The following DRP2 variants were observed in gnomAD, a reference collection of about 807,000 sequenced individuals.
DRP2 encodes the protein dystrophin-related protein 2.
DRP2 carries 29 observed loss-of-function variants against 78.2 expected under a neutral mutation model. The ratio of observed to expected loss-of-function variants is 0.37; its 90% CI spans 0.28 to 0.51. The LOEUF is 0.51. DRP2 is among the 20% of genes least tolerant of loss of function. The pLI is 0.94. For missense variants in DRP2, 686 were observed against 770.6 expected (o/e 0.89, Z 1.30); for synonymous variants, 290 against 281.9 (o/e 1.03, Z -0.29).
chrX:101,229,039 A>G (rs1922212993), intron 2 of DRP2, among the ~76,000 whole-genome samples: 1 of 112,326 alleles, frequency 8.9e-6, no homozygotes, highest in Non-Finnish European at 1.9e-5. Context: ...GTATGTATAT[A>G]TTTTTCAGAG....
chrX:101,243,397 C>CAA (rs768951598), intron 9 of DRP2, among the ~76,000 whole-genome samples: 12 of 29,043 alleles, frequency 4.1e-4, no homozygotes, highest in Admixed American at 1.5e-3. Flanking sequence ...AACTCCGTCT[C>CAA]AAAAAAAAAA....
chrX:101,236,279 T>C (rs1050504424), intron 4 of DRP2, among the ~76,000 whole-genome samples: 2 of 112,215 alleles, frequency 1.8e-5, no homozygotes, highest in African/African-American at 6.5e-5. Context: ...ATTTGTTTTT[T>C]ATAAGGACAA....
intron 20 of DRP2, among the ~76,000 whole-genome samples, 187 bp from the exon 21 acceptor site, chrX:101,255,931 C>G (rs1202210615): frequency 1.8e-5 from 2 of 111,699 alleles, no homozygotes; most frequent in African/African-American, 3.3e-5. Context: ...CTCAATACCC[C>G]CAACCACAGC....
At chrX:101,227,064 T>A (rs1206485790) in intron 2 of DRP2, among the ~76,000 whole-genome samples, 1 of 110,937 alleles carries the variant, frequency 9.0e-6, no homozygotes, top group Non-Finnish European at 1.9e-5. Flanking sequence ...AGATATCTCT[T>A]CCTCTTTTTA....
chrX:101,224,206 T>TTGTTTG (rs1922021245), intron 1 of DRP2, among the ~76,000 whole-genome samples: 1 of 72,306 alleles, frequency 1.4e-5, no homozygotes, highest in African/African-American at 5.6e-5. Context: ...TTTTTTTTTT[T>TTGTTTG]TTTTTTTTTT....
intron 16 of DRP2, among the ~76,000 whole-genome samples, chrX:101,252,330 G>A (rs184302131): frequency 2.7e-5 from 3 of 111,636 alleles, no homozygotes; most frequent in East Asian, 5.6e-4. Context: ...CTTCCCTCCT[G>A]TCTCCCTTAA....
Position 101,231,748 on chromosome X carries a change from C to G in DRP2, c.101C>G (p.Thr34Ser). The change falls in exon 3 of 24, where the codon ACC becomes AGC. Residue 34 changes from threonine (T) to serine (S), a missense_variant. Around this residue, in one of 2 missense-constraint regions of DRP2, gnomAD observed 263 missense variants for 239.1 expected, o/e 1.10. Transcript: ENST00000395209. Reference protein sequence around the residue: ...QFHHSSSLRSTCPHPQVRAAV... With the variant: ...QFHHSSSLRSSCPHPQVRAAV... ...CATCATAGCAGCAGCCTCCGAAGCA[C>G]CTGCCCCCACCCTCAGGTAAGAGTC... 8.3e-7 allele frequency: 1 copy of G among 1,207,640 alleles called. No individual in the cohort carries two copies. Among genetic ancestry groups the G allele is most frequent in the Admixed American group, 2.2e-5 (1 of 45,865 alleles).
chrX:101,242,508 C>T (rs1267135454), intron 8 of DRP2, 37 bp downstream of exon 8: 1 of 1,187,422 alleles, frequency 8.4e-7, no homozygotes, highest in Admixed American at 2.3e-5. Flanking sequence ...TGGGGAGGTG[C>T]CTCCATATAA....
chrX:101,240,481 C>T lies in DRP2; in HGVS notation c.560-1187C>T, dbSNP rs193281312. Among the ~76,000 whole-genome samples, 4 of 112,765 alleles carry T rather than the reference C, an allele frequency of 3.5e-5. No individual in the cohort carries two copies. In the East Asian group the frequency reaches 1.1e-3, roughly 32 times the overall value. On this transcript the variant is annotated intron_variant, in intron 6 of 23. Coordinates refer to ENST00000395209, the MANE Select transcript of DRP2 (RefSeq NM_001939.3). ...GAACTCTTGGGCTCAAGTGATCGGC[C>T]TGCTTGGCCTCCTGAAGTGTTGGGA...
At chrX:101,253,500 CTT>C (rs67849810) in intron 17 of DRP2, among the ~76,000 whole-genome samples, 1 of 74,900 alleles carries the variant, frequency 1.3e-5, no homozygotes, top group African/African-American at 4.9e-5. Flanking sequence ...GTCTATTTTT[CTT>C]TTTTTTTTTT....
chrX:101,256,374 C>G, intron 21 of DRP2, 113 bp downstream of exon 21: 1 of 739,682 alleles, frequency 1.4e-6, no homozygotes, highest in Non-Finnish European at 1.9e-6. Flanking sequence ...TACTTATATT[C>G]TGTAATCCTC....
At position 101,231,588 on chromosome X, in the gene DRP2, C is replaced by A; in HGVS notation, c.-60C>A. On this transcript the variant is annotated 5_prime_UTR_variant, in exon 3 of 24. Transcript: ENST00000395209. ...TCTCTCTGTATTGCTTTTCCAGGTG[C>A]TTAATGATCAATAGTTGGTGCACTG... 1 of 997,085 alleles carries A rather than the reference C, an allele frequency of 1.0e-6. No individual in the cohort carries two copies. The highest frequency in any genetic ancestry group is 1.4e-6 in the Non-Finnish European group (1 of 699,914). 82.2% of individuals were successfully genotyped at this position (997,085 alleles called of 1,213,427 possible). A position where few individuals can be genotyped will look rare whatever the true frequency, so the allele number is the denominator to read the frequency against.
intron 9 of DRP2, 43 bp from the exon 10 acceptor site, chrX:101,244,974 A>G (rs1429966863): frequency 2.6e-6 from 3 of 1,155,648 alleles, no homozygotes; most frequent in Non-Finnish European, 3.5e-6. Context: ...CCTTAAGAGC[A>G]TTAGTGGCCA....
chrX:101,258,968 GCTAT>G (rs1200601919), intron 22 of DRP2, among the ~76,000 whole-genome samples: 1 of 112,166 alleles, frequency 8.9e-6, no homozygotes, highest in Non-Finnish European at 1.9e-5. Context: ...AAAGATTAGT[GCTAT>G]CTAAAGGTGT....
chrX:101,231,058 A>G lies in DRP2; in HGVS notation c.-63-527A>G, dbSNP rs147235180. 2.8e-3 allele frequency among the ~76,000 whole-genome samples: 318 copies of G among 112,389 alleles called. 4 individuals carry two copies. The highest frequency in any genetic ancestry group is 9.7e-3 in the African/African-American group (300 of 30,913). ...ATACCGATCCCATTGTCCTCTGAAC[A>G]TGCTAGGCCTTTTTATGACATCCAC... On this transcript the variant is annotated intron_variant, in intron 2 of 23. Transcript: ENST00000395209.
At chrX:101,237,896 C>T (rs1272917057) in intron 5 of DRP2, 121 bp downstream of exon 5, 2 of 716,724 alleles carry the variant, frequency 2.8e-6, no homozygotes, top group African/African-American at 4.4e-5. Context: ...AGGCTGTATG[C>T]AGTCCTATTA....
chrX:101,244,374 T>G (rs1014453559), intron 9 of DRP2, among the ~76,000 whole-genome samples: 2 of 111,829 alleles, frequency 1.8e-5, no homozygotes, highest in Non-Finnish European at 3.8e-5. Context: ...ATGTTAACTG[T>G]GGTTAAAATT....
In DRP2 at chrX:101,263,273, A is replaced by G; in HGVS notation, c.*2652A>G. On this transcript the variant is annotated 3_prime_UTR_variant, in exon 24 of 24. Coordinates refer to ENST00000395209, the MANE Select transcript of DRP2 (RefSeq NM_001939.3). ...ACCAAAATGTGTTGTATGTTGTTAG[A>G]CATCTTGTTGTGTATTAGTCTTCTA... The G allele has an allele frequency of 8.9e-6, 1 of 112,085 alleles. No individual in the cohort carries two copies. Among genetic ancestry groups the G allele is most frequent in the African/African-American group, 3.2e-5 (1 of 30,844 alleles). The allele number at this position is 112,085 out of a possible 1,213,427, so 9.2% of individuals were successfully genotyped here. A position where few individuals can be genotyped will look rare whatever the true frequency, so the allele number is the denominator to read the frequency against.
In DRP2 at chrX:101,242,962, G is replaced by A; in HGVS notation, c.1034G>A (p.Gly345Glu). Residue 345 changes from glycine (G) to glutamate (E), a missense_variant, in exon 9 of 24, where the codon GGG becomes GAG. Physicochemically the swap from Gly to Glu is moderately conservative, Grantham distance 98 (BLOSUM62 -2). Transcript: ENST00000395209. ...GATGCCCACCGGGACTTTGGGCCTG[G>A]GTCACAGCACTTTCTCTCCTGTACG... ...LQDAHRDFGPGSQHFLSSSVQ... is the reference protein window; with the variant it reads ...LQDAHRDFGPESQHFLSSSVQ... 1 of 1,210,805 alleles carries A rather than the reference G, an allele frequency of 8.3e-7. No homozygotes were observed. The highest frequency in any genetic ancestry group is 1.1e-6 in the Non-Finnish European group (1 of 895,113).
Sources: allele counts gnomAD v4.1 joint callset (sites outside exome capture counted in the v4.1 genomes callset), GRCh38; gene constraint gnomAD v4.1.1; regional missense constraint gnomAD v4.1.1; transcripts MANE v1.5; gene names NCBI Gene and HGNC (gene_info 2026-07-23, HGNC 2026-07-21).